The following ATP6V1C2 variants were observed in gnomAD, a reference collection of about 807,000 sequenced individuals.
ATP6V1C2 encodes the protein ATPase H+ transporting V1 subunit C2.
In ATP6V1C2, 45 loss-of-function variants were observed where a neutral mutation model predicts 56.8. The observed-to-expected ratio is 0.79, with a 90% CI of 0.62 to 1.02. ATP6V1C2 has a LOEUF of 1.02. Ranked by LOEUF, ATP6V1C2 falls within the 50% of genes least tolerant of loss-of-function variation. The probability of loss-of-function intolerance (pLI) is 0.00; values close to 1 mark genes in which losing one functional copy is unlikely to be tolerated. For missense variants in ATP6V1C2, 463 were observed against 519.7 expected (o/e 0.89, Z 1.06); for synonymous variants, 220 against 201.3 (o/e 1.09, Z -0.79).
chr2:10,754,154 C>T, intron 4 of ATP6V1C2, 88 bp downstream of exon 4: 2 of 1,094,822 alleles, frequency 1.8e-6, no homozygotes, highest in Non-Finnish European at 2.7e-6. Context: ...ACAGCAATCA[C>T]CGAGATGGCC....
chr2:10,721,423 C>G (rs983595159), upstream of ATP6V1C2, among the ~76,000 whole-genome samples: 4 of 152,226 alleles, frequency 2.6e-5, no homozygotes, highest in African/African-American at 7.2e-5. Context: ...CGCAGAAGCC[C>G]CCAGGGCCCC....
At chr2:10,777,763 TCTC>T (rs1330633187) in intron 11 of ATP6V1C2, 41 bp downstream of exon 11, 19 of 1,574,458 alleles carry the variant, frequency 1.2e-5, no homozygotes, top group Non-Finnish European at 1.5e-5. Context: ...CTGGCTCACA[TCTC>T]CTCGCCAGCT....
rs1010975066 is a variant in ATP6V1C2 at position 10,723,069 on chromosome 2, G to A, written c.129+91G>A. On this transcript the variant is annotated intron_variant, in intron 2 of 13. Coordinates refer to ENST00000272238, the MANE Select transcript of ATP6V1C2 (RefSeq NM_001039362.2). ...GGTTGCTACCTCAGGAAGCCAAGGA[G>A]AAAGTATCAAGGCAAAGCAGGGGCT... 6.0e-6 allele frequency: 9 copies of A among 1,512,114 alleles called. No individual in the cohort carries two copies. In the South Asian group the frequency reaches 1.1e-4, roughly 19 times the overall value. 93.7% of individuals were successfully genotyped at this position (1,512,114 alleles called of 1,614,324 possible).
At chr2:10,721,949 G>T (rs1162614697) in intron 1 of ATP6V1C2, among the ~76,000 whole-genome samples, 1 of 152,242 alleles carries the variant, frequency 6.6e-6, no homozygotes, top group Admixed American at 6.5e-5. Context: ...AAGGAGCTGC[G>T]TTGGGTCTGC....
intron 3 of ATP6V1C2, among the ~76,000 whole-genome samples, chr2:10,746,406 T>C (rs1011637424): frequency 2.0e-5 from 3 of 151,972 alleles, no homozygotes; most frequent in East Asian, 1.9e-4. Flanking sequence ...TCCTTTTTTT[T>C]TTCTTCTTCT....
chr2:10,782,067 G>A (rs543095094), intron 12 of ATP6V1C2, among the ~76,000 whole-genome samples, 176 bp from the exon 13 acceptor site: 5 of 151,540 alleles, frequency 3.3e-5, no homozygotes, highest in Non-Finnish European at 7.4e-5. Flanking sequence ...GCAAATTCTA[G>A]AGCTTTTTCT....
At chr2:10,775,600 C>T (rs909807680) in intron 10 of ATP6V1C2, among the ~76,000 whole-genome samples, 8 of 152,162 alleles carry the variant, frequency 5.3e-5, no homozygotes, top group African/African-American at 7.2e-5. Flanking sequence ...TGGAGACTTC[C>T]GACCACAGCC....
At chr2:10,726,280 T>C (rs547422610) in intron 2 of ATP6V1C2, among the ~76,000 whole-genome samples, 3 of 152,342 alleles carry the variant, frequency 2.0e-5, no homozygotes, top group Admixed American at 2.0e-4. Context: ...CTCCTTCCTA[T>C]GGCAGGCATA....
rs764576345 is a variant in ATP6V1C2 at position 10,722,959 on chromosome 2, T to G, written c.110T>G (p.Phe37Cys). 6.2e-7 allele frequency: 1 copy of G among 1,614,010 alleles called. No homozygotes were observed. The highest frequency in any genetic ancestry group is 1.1e-5 in the South Asian group (1 of 91,052). The change falls in exon 2 of 14, where the codon TTC (phenylalanine) becomes TGC (cysteine). Residue 37 changes from phenylalanine (F) to cysteine (C), a missense_variant. Coordinates refer to ENST00000272238, the MANE Select transcript of ATP6V1C2 (RefSeq NM_001039362.2). ...TCCAACCTGTCTTATAATACCAAAT[T>G]CGCTATTCCTGACTTCAAGGTAAAA... Reference protein sequence around the residue: ...SKSNLSYNTKFAIPDFKVGTL... With the variant: ...SKSNLSYNTKCAIPDFKVGTL...
chr2:10,726,005 A>AGGAGGC (rs1192007345), intron 2 of ATP6V1C2, among the ~76,000 whole-genome samples: 1 of 151,982 alleles, frequency 6.6e-6, no homozygotes, highest in East Asian at 2.0e-4. Context: ...ACTTGAATCC[A>AGGAGGC]GGAGGCGGAG....
intron 3 of ATP6V1C2, among the ~76,000 whole-genome samples, chr2:10,730,973 G>C (rs1471702813): frequency 2.8e-5 from 4 of 143,604 alleles, no homozygotes; most frequent in Non-Finnish European, 6.1e-5. Context: ...TTTTTCATGA[G>C]ACAGGGTCTT....
At position 10,764,407 on chromosome 2, in the gene ATP6V1C2, G is replaced by C; in HGVS notation, c.360G>C (p.Val120=). The C allele has an allele frequency of 6.2e-7, 1 of 1,614,098 alleles. No homozygotes were observed. Among genetic ancestry groups the C allele is most frequent in the Non-Finnish European group, 8.5e-7 (1 of 1,179,928 alleles). The change falls in exon 5 of 14, where the codon GTG becomes GTC. Residue 120 remains valine, a synonymous_variant. Transcript: ENST00000272238. ...KYPVKQPLVS[V]VDTIAKQLAQ... ...CTGTCAAGCAGCCGCTCGTGAGTGT[G>C]GTGGACACAATAGCCAAGGTGAGAA...
At chr2:10,756,904 C>A (rs58240515) in intron 4 of ATP6V1C2, among the ~76,000 whole-genome samples, 1 of 151,110 alleles carries the variant, frequency 6.6e-6, no homozygotes, top group East Asian at 1.9e-4. Context: ...CATGAAGCAA[C>A]GCATGACTGT....
intron 10 of ATP6V1C2, among the ~76,000 whole-genome samples, chr2:10,775,678 G>A (rs903270719): frequency 7.2e-5 from 11 of 152,288 alleles, no homozygotes; most frequent in African/African-American, 2.6e-4. Flanking sequence ...GCTCACGTTT[G>A]AATTGTGAGC....
chr2:10,753,965 T>C lies in ATP6V1C2; in HGVS notation c.198-16T>C. On this transcript the variant is annotated splice_polypyrimidine_tract_variant and intron_variant, in intron 3 of 13. Coordinates refer to ENST00000272238, the MANE Select transcript of ATP6V1C2 (RefSeq NM_001039362.2). The stretch of plus-strand genomic sequence containing the variant: ...GCTTCCTACTCTAACCGGCTCTTTT[T>C]CTTCTCTCTCCAAAGCCTCATAAGG... 6.3e-7 allele frequency: 1 copy of C among 1,592,078 alleles called. No individual in the cohort carries two copies. Among genetic ancestry groups the C allele is most frequent in the Non-Finnish European group, 8.6e-7 (1 of 1,166,742 alleles).
At chr2:10,774,245 C>T (rs1487781468) in intron 8 of ATP6V1C2, among the ~76,000 whole-genome samples, 1 of 152,192 alleles carries the variant, frequency 6.6e-6, no homozygotes, top group Non-Finnish European at 1.5e-5. Context: ...GGCCTGAGGG[C>T]TCCCACTTCC....
Position 10,774,846 on chromosome 2 carries a change from A to G in ATP6V1C2, c.697A>G (p.Ile233Val). Residue 233 changes from isoleucine (I) to valine (V), a missense_variant, in exon 9 of 14, where the codon ATT becomes GTT. By Grantham distance (29) the Ile-to-Val change is conservative. Transcript: ENST00000272238. The stretch of plus-strand genomic sequence containing the variant: ...CACTGTGACTCTGTTTCGAAAAGTG[A>G]TTGAAGATTTCAAAACCAAGGCCAA... ...LFTVTLFRKVIEDFKTKAKEN... is the reference protein window; with the variant it reads ...LFTVTLFRKVVEDFKTKAKEN... The G allele has an allele frequency of 1.2e-6, 2 of 1,614,162 alleles. No homozygotes were observed. Among genetic ancestry groups the G allele is most frequent in the Non-Finnish European group, 1.7e-6 (2 of 1,180,020 alleles).
intron 4 of ATP6V1C2, among the ~76,000 whole-genome samples, chr2:10,755,699 C>T (rs1309548766): frequency 2.0e-5 from 3 of 152,214 alleles, no homozygotes; most frequent in Admixed American, 1.3e-4. Flanking sequence ...AATTCTGCCT[C>T]CTCACCTCAC....
At chr2:10,761,788 C>T (rs1333262292) in intron 4 of ATP6V1C2, among the ~76,000 whole-genome samples, 1 of 152,208 alleles carries the variant, frequency 6.6e-6, no homozygotes, top group African/African-American at 2.4e-5. Flanking sequence ...GGATCAGGGC[C>T]CCACCCTTAG....
Sources: allele counts gnomAD v4.1 joint callset (sites outside exome capture counted in the v4.1 genomes callset), GRCh38; gene constraint gnomAD v4.1.1; transcripts MANE v1.5; gene names NCBI Gene and HGNC (gene_info 2026-07-23, HGNC 2026-07-21).